Variants in KSR2 observed in about 807,000 individuals in gnomAD.
KSR2 encodes the protein kinase suppressor of ras 2.
A neutral mutation model predicts 107.8 loss-of-function variants in KSR2; 25 were observed. That is an observed-to-expected ratio of 0.23 (90% confidence interval 0.17 to 0.32). The LOEUF (loss-of-function observed/expected upper bound fraction) is 0.32, where lower values mean the gene tolerates loss of function less well. Ranked by LOEUF, KSR2 falls within the 10% of genes least tolerant of loss-of-function variation. The probability of loss-of-function intolerance (pLI) is 1.00; values close to 1 mark genes in which losing one functional copy is unlikely to be tolerated. For missense variants in KSR2, 887 were observed against 1,268.9 expected, an observed-to-expected ratio of 0.70 and a Z score of 4.57; for synonymous variants, 480 against 507.0, an observed-to-expected ratio of 0.95 and a Z score of 0.71.
chr12:117,480,232 T>C (rs1957465858), intron 16 of KSR2, among the ~76,000 whole-genome samples: 7 of 152,088 alleles, frequency 4.6e-5, no homozygotes, highest in Admixed American at 4.6e-4. Context: ...TCCCATCTTT[T>C]TGCAAACACC....
At chr12:117,472,190 T>A (rs141726462) in intron 17 of KSR2, among the ~76,000 whole-genome samples, 1 of 152,322 alleles carries the variant, frequency 6.6e-6, no homozygotes, top group African/African-American at 2.4e-5. Context: ...AGGATGTTTA[T>A]CTGGGACTCC....
intron 10 of KSR2, among the ~76,000 whole-genome samples, chr12:117,538,149 C>T (rs1420375586): frequency 1.3e-5 from 2 of 152,004 alleles, no homozygotes; most frequent in South Asian, 2.1e-4. Flanking sequence ...AAATGAACAA[C>T]CCTGGAGATG....
At chr12:117,596,090 G>A (rs1880628266) in intron 5 of KSR2, among the ~76,000 whole-genome samples, 2 of 136,812 alleles carry the variant, frequency 1.5e-5, no homozygotes, top group Admixed American at 1.6e-4. Flanking sequence ...TTCTCATGCT[G>A]CCAATAAAGA....
In KSR2 at chr12:117,885,738, G is replaced by A. The variant is rs147177301; in HGVS notation, c.181-25307C>T. Among the ~76,000 whole-genome samples the A allele has an allele frequency of 3.2e-3, 485 of 151,840 alleles. 2 individuals are homozygous for A. Among genetic ancestry groups the A allele is most frequent in the African/African-American group, 0.01 (427 of 41,374 alleles). On this transcript the variant is annotated intron_variant, in intron 1 of 19. Coordinates refer to ENST00000339824, the MANE Select transcript of KSR2 (RefSeq NM_173598.6). The stretch of plus-strand genomic sequence containing the variant: ...ATTAGGACTAATACCTAATGCCTGC[G>A]GGGCGTAAAACCTAGATGACAGGTT...
intron 1 of KSR2, among the ~76,000 whole-genome samples, chr12:117,873,062 A>G (rs1275392199): frequency 1.3e-5 from 2 of 152,140 alleles, no homozygotes; most frequent in Admixed American, 1.3e-4. Context: ...TTAAAAAGCC[A>G]TGTGCCCGCC....
intron 1 of KSR2, among the ~76,000 whole-genome samples, chr12:117,953,130 C>T (rs1396202901): frequency 6.6e-6 from 1 of 151,910 alleles, no homozygotes; most frequent in East Asian, 1.9e-4. Flanking sequence ...AAATCAAATG[C>T]ACAATGAGAT....
chr12:117,671,926 G>T (rs1884922278), intron 4 of KSR2, among the ~76,000 whole-genome samples: 1 of 152,156 alleles, frequency 6.6e-6, no homozygotes, highest in Admixed American at 6.5e-5. Flanking sequence ...AAGCCTGGGG[G>T]CATCCCACAC....
chr12:117,691,968 T>C (rs886384474), intron 4 of KSR2, among the ~76,000 whole-genome samples: 7 of 152,160 alleles, frequency 4.6e-5, no homozygotes, highest in Admixed American at 6.5e-5. Context: ...CAAGGGCACA[T>C]AGAGGTGGCA....
chr12:117,872,615 T>A (rs1023605089), intron 1 of KSR2, among the ~76,000 whole-genome samples: 2 of 152,012 alleles, frequency 1.3e-5, no homozygotes, highest in Admixed American at 6.6e-5. Flanking sequence ...GAAATTCTGA[T>A]TCAGTGAATC....
chr12:117,672,621 T>A (rs535083245), intron 4 of KSR2, among the ~76,000 whole-genome samples: 1 of 151,996 alleles, frequency 6.6e-6, no homozygotes, highest in East Asian at 1.9e-4. Flanking sequence ...ACCCGAAATA[T>A]CCAACAAACT....
intron 5 of KSR2, among the ~76,000 whole-genome samples, chr12:117,595,922 C>T (rs1236695961): frequency 2.6e-5 from 4 of 152,132 alleles, no homozygotes; most frequent in Admixed American, 6.5e-5. Context: ...CTTGGTAAGG[C>T]CACAGCATTC....
At chr12:117,593,514 G>C (rs998076310) in intron 5 of KSR2, among the ~76,000 whole-genome samples, 3 of 152,226 alleles carry the variant, frequency 2.0e-5, no homozygotes, top group Non-Finnish European at 4.4e-5. Context: ...GGCAACTAGG[G>C]GGACACAAAC....
intron 5 of KSR2, among the ~76,000 whole-genome samples, chr12:117,587,930 C>G (rs534789046): frequency 6.6e-6 from 1 of 152,154 alleles, no homozygotes; most frequent in African/African-American, 2.4e-5. Context: ...AGGGCCTCCC[C>G]GCCTCCCTAT....
chr12:117,848,457 A>G (rs1158237849), intron 3 of KSR2, among the ~76,000 whole-genome samples: 1 of 152,234 alleles, frequency 6.6e-6, no homozygotes, highest in African/African-American at 2.4e-5. Context: ...GAGGAAAACT[A>G]GGGCTGTGCC....
At position 117,697,401 on chromosome 12, in the gene KSR2, G is replaced by A. The variant is rs576074897; in HGVS notation, c.987-29743C>T. Among the ~76,000 whole-genome samples the A allele has an allele frequency of 1.6e-4, 24 of 152,284 alleles. 1 individual carries two copies. In the South Asian group the frequency reaches 4.4e-3, roughly 28 times the overall value. On this transcript the variant is annotated intron_variant, in intron 4 of 19. Transcript: ENST00000339824. ...TGTTTATTTAATGAAAGTTCAAGAC[G>A]CTATCTGCTTAGAAATATGCATTTT...
chr12:117,899,836 G>C (rs1379768703), intron 1 of KSR2, among the ~76,000 whole-genome samples: 3 of 152,216 alleles, frequency 2.0e-5, no homozygotes, highest in African/African-American at 7.2e-5. Context: ...CAGCCACGTT[G>C]TGAACATGAA....
At chr12:117,520,527 C>A (rs1301725086) in intron 14 of KSR2, among the ~76,000 whole-genome samples, 1 of 152,186 alleles carries the variant, frequency 6.6e-6, no homozygotes, top group Non-Finnish European at 1.5e-5. Context: ...TGACCGAGGG[C>A]AGCAAAATGG....
chr12:117,772,779 G>A (rs1456685916), intron 3 of KSR2, among the ~76,000 whole-genome samples: 1 of 151,934 alleles, frequency 6.6e-6, no homozygotes, highest in African/African-American at 2.4e-5. Flanking sequence ...TTCCACCAAA[G>A]ACGCACAAGC....
chr12:117,952,155 T>TCACACACACA (rs112314585), intron 1 of KSR2, among the ~76,000 whole-genome samples: 113 of 147,420 alleles, frequency 7.7e-4, no homozygotes, highest in African/African-American at 2.6e-3. Context: ...AATGTTCTCA[T>TCACACACACA]CACACACACA....
Sources: allele counts gnomAD v4.1 joint callset (sites outside exome capture counted in the v4.1 genomes callset), GRCh38; gene constraint gnomAD v4.1.1; transcripts MANE v1.5; gene names NCBI Gene and HGNC (gene_info 2026-07-23, HGNC 2026-07-21).